RORB: variants seen among roughly 807,000 people sequenced by gnomAD.
RORB encodes nuclear receptor ROR-beta.
In RORB, 6 loss-of-function variants were observed where a neutral mutation model predicts 59.1. The observed-to-expected ratio is 0.10, with a 90% CI of 0.06 to 0.20. The LOEUF is 0.20. Among genes scored for constraint, RORB ranks in the 10% least tolerant of loss-of-function variants. RORB has a pLI of 1.00. For missense variants in RORB, 320 were observed against 560.5 expected, an observed-to-expected ratio of 0.57 and a Z score of 4.33; for synonymous variants, 215 against 204.5, an observed-to-expected ratio of 1.05 and a Z score of -0.44.
chr9:74,630,080 C>T (rs1823590416), intron 1 of RORB: 2 of 241,556 alleles, frequency 8.3e-6, no homozygotes, highest in East Asian at 1.8e-4. Flanking sequence ...ACGAAGCAAA[C>T]TGTGGCAGAG....
chr9:74,546,641 A>G (rs560351449), intron 1 of RORB, among the ~76,000 whole-genome samples: 26 of 152,184 alleles, frequency 1.7e-4, no homozygotes, highest in Non-Finnish European at 3.2e-4. Flanking sequence ...ACCACTAGGA[A>G]CTGAGACTGT....
At chr9:74,515,286 G>A (rs1223971862) in intron 1 of RORB, among the ~76,000 whole-genome samples, 1 of 151,634 alleles carries the variant, frequency 6.6e-6, no homozygotes, top group Admixed American at 6.6e-5. Context: ...TAGAAGAAGA[G>A]GCTAAGGTAC....
intron 1 of RORB, among the ~76,000 whole-genome samples, chr9:74,542,243 G>T (rs1348139505): frequency 6.6e-6 from 1 of 152,106 alleles, no homozygotes; most frequent in African/African-American, 2.4e-5. Context: ...TAGAATTACA[G>T]GATCCAAATA....
intron 9 of RORB, among the ~76,000 whole-genome samples, chr9:74,675,741 T>A (rs1391753623): frequency 6.6e-6 from 1 of 152,172 alleles, no homozygotes; most frequent in Non-Finnish European, 1.5e-5. Context: ...TGCCCGTCAG[T>A]CTTCCAGGAG....
chr9:74,632,276 G>A (rs1454780261), intron 2 of RORB, among the ~76,000 whole-genome samples: 1 of 152,124 alleles, frequency 6.6e-6, no homozygotes, highest in Non-Finnish European at 1.5e-5. Context: ...AAATTATGCT[G>A]TTATTATGAA....
intron 1 of RORB, among the ~76,000 whole-genome samples, chr9:74,534,395 A>G (rs1469729455): frequency 6.6e-6 from 1 of 152,068 alleles, no homozygotes; most frequent in Non-Finnish European, 1.5e-5. Flanking sequence ...AAAAGCAGAT[A>G]AGCCACTGTG....
At chr9:74,645,666 A>G (rs1823885211) in intron 4 of RORB, among the ~76,000 whole-genome samples, 1 of 152,130 alleles carries the variant, frequency 6.6e-6, no homozygotes, top group Non-Finnish European at 1.5e-5. Flanking sequence ...CCTTTTATCG[A>G]GCACCTACAC....
intron 4 of RORB, among the ~76,000 whole-genome samples, chr9:74,647,391 G>A (rs1476848439): frequency 6.6e-6 from 1 of 152,110 alleles, no homozygotes. Context: ...CAACGTCTCA[G>A]ACAACAAGAC....
rs910346934 is a variant in RORB, at chr9:74,690,477, C to T, written c.*4859C>T. On this transcript the variant is annotated 3_prime_UTR_variant, in exon 10 of 10. Transcript: ENST00000376896. ...CTAGAGCTTCTGAATTTTATAAAAT[C>T]TCTGAAATTATACATGATGGCAGTT... is the stretch of plus-strand genomic sequence containing the variant. 2.0e-5 allele frequency: 3 copies of T among 152,310 alleles called. No individual in the cohort carries two copies. The highest frequency in any genetic ancestry group is 4.1e-4 in the South Asian group (2 of 4,820). The allele number at this position is 152,310 out of a possible 1,614,324, so 9.4% of individuals were successfully genotyped here.
chr9:74,586,281 T>G (rs1822797858), intron 1 of RORB, among the ~76,000 whole-genome samples: 1 of 152,086 alleles, frequency 6.6e-6, no homozygotes, highest in South Asian at 2.1e-4. Flanking sequence ...GTGGATCACT[T>G]GAGTCCAGGA....
At chr9:74,546,813 A>C (rs1235952774) in intron 1 of RORB, among the ~76,000 whole-genome samples, 1 of 152,234 alleles carries the variant, frequency 6.6e-6, no homozygotes, top group African/African-American at 2.4e-5. Flanking sequence ...GAGGTGATAC[A>C]AATAAAGGAC....
intron 1 of RORB, among the ~76,000 whole-genome samples, chr9:74,595,511 A>G (rs1822956708): frequency 6.6e-6 from 1 of 152,214 alleles, no homozygotes; most frequent in Admixed American, 6.5e-5. Context: ...TTACTTTCCC[A>G]TCAGACTTTA....
intron 1 of RORB, among the ~76,000 whole-genome samples, chr9:74,594,358 C>T (rs1046017417): frequency 4.6e-5 from 7 of 152,108 alleles, no homozygotes; most frequent in African/African-American, 1.7e-4. Flanking sequence ...TTTTCAGGTC[C>T]TCGATGGTTA....
chr9:74,634,463 T>C lies in RORB; in HGVS notation c.94-168T>C, dbSNP rs115946096. 6.6e-3 allele frequency among the ~76,000 whole-genome samples: 998 copies of C among 152,344 alleles called. 17 individuals carry two copies. Among genetic ancestry groups the C allele is most frequent in the African/African-American group, 0.023 (942 of 41,582 alleles). ...TCATATCTTTGCAGATAGCATCTAT[T>C]TTCCCCAGCAGAAATATCTGCAAGC... is the stretch of plus-strand genomic sequence containing the variant. On this transcript the variant is annotated intron_variant, in intron 2 of 9. Coordinates refer to ENST00000376896, the MANE Select transcript of RORB (RefSeq NM_006914.4).
chr9:74,584,762 T>G (rs1822773445), intron 1 of RORB, among the ~76,000 whole-genome samples: 1 of 152,176 alleles, frequency 6.6e-6, no homozygotes, highest in African/African-American at 2.4e-5. Context: ...AGATAGTGGC[T>G]ACTGTCATAG....
rs532147675 is a variant in RORB at position 74,688,384 on chromosome 9, C to A, written c.*2766C>A. On this transcript the variant is annotated 3_prime_UTR_variant, in exon 10 of 10. Transcript: ENST00000376896. Reference sequence around the variant, plus strand: ...GCTGCCCTTCGAAGATCTCCTATGACTGCATGTCAAGGTATTTTGTACCTA... The same window carrying A: ...GCTGCCCTTCGAAGATCTCCTATGAATGCATGTCAAGGTATTTTGTACCTA... 7.2e-5 allele frequency: 11 copies of A among 152,316 alleles called. No homozygotes were observed. The highest frequency in any genetic ancestry group is 2.4e-4 in the African/African-American group (10 of 41,570). 9.4% of individuals were successfully genotyped at this position (152,316 alleles called of 1,614,324 possible).
intron 1 of RORB, among the ~76,000 whole-genome samples, chr9:74,523,666 G>A (rs1407708296): frequency 4.0e-5 from 6 of 151,770 alleles, no homozygotes; most frequent in Non-Finnish European, 2.9e-5. Context: ...AACATTAAAA[G>A]GAAAAAAATC....
At chr9:74,568,004 C>G (rs1033929469) in intron 1 of RORB, among the ~76,000 whole-genome samples, 3 of 152,184 alleles carry the variant, frequency 2.0e-5, no homozygotes, top group Non-Finnish European at 4.4e-5. Context: ...TCATTAACCG[C>G]AAATCTGTAA....
intron 1 of RORB, among the ~76,000 whole-genome samples, chr9:74,559,545 G>A (rs956947889): frequency 5.3e-5 from 8 of 151,946 alleles, no homozygotes; most frequent in African/African-American, 9.7e-5. Context: ...TATAGCTATG[G>A]TTTCACCTTT....
Sources: gnomAD v4.1 joint callset for allele counts (sites outside exome capture counted in the v4.1 genomes callset) on GRCh38, gnomAD v4.1.1 for gene constraint, MANE v1.5 for transcripts, NCBI Gene and HGNC (gene_info 2026-07-23, HGNC 2026-07-21) for gene names.